The following HAL variants were observed in gnomAD, a reference collection of about 807,000 sequenced individuals.
HAL encodes histidase.
Under a neutral mutation model 81.1 loss-of-function variants are expected in HAL, and 85 were observed. The observed-to-expected ratio is 1.05, with a 90% CI of 0.88 to 1.25. HAL has a LOEUF of 1.25. Among genes scored for constraint, HAL ranks in the 50% most tolerant of loss-of-function variants. The pLI, the probability that HAL is intolerant of heterozygous loss-of-function variation, is 0.00. For missense variants in HAL, 798 were observed against 836.6 expected (o/e 0.95, Z 0.57); for synonymous variants, 301 against 309.2 (o/e 0.97, Z 0.28).
chr12:95,983,768 C>G (rs927280123), intron 15 of HAL, 143 bp downstream of exon 15: 1 of 679,150 alleles, frequency 1.5e-6, no homozygotes, highest in African/African-American at 1.8e-5. Flanking sequence ...GTCAGTTAAC[C>G]TCTGAGCCTC....
rs1555239189 is a variant in HAL, at chr12:95,985,895, T to G, written c.1206+13A>C. 5.7e-6 allele frequency: 9 copies of G among 1,584,972 alleles called. No individual in the cohort carries two copies. Among genetic ancestry groups the G allele is most frequent in the Non-Finnish European group, 7.8e-6 (9 of 1,155,858 alleles). ...GCATTTTTTATTGACCTTTTTTTTTTTCTTTATTTTACCTGTGGACAGCAG... is the reference window on the plus strand; with the variant it reads ...GCATTTTTTATTGACCTTTTTTTTTGTCTTTATTTTACCTGTGGACAGCAG... On this transcript the variant is annotated intron_variant, in intron 14 of 20. Coordinates refer to ENST00000261208, the MANE Select transcript of HAL (RefSeq NM_002108.4).
At chr12:95,992,314 C>G (rs1490458812) in intron 9 of HAL, among the ~76,000 whole-genome samples, 2 of 152,200 alleles carry the variant, frequency 1.3e-5, no homozygotes, top group Non-Finnish European at 2.9e-5. Context: ...ACTGAATTGG[C>G]CTTTGGGATG....
chr12:95,977,642 CAAA>C (rs60410496), intron 18 of HAL, among the ~76,000 whole-genome samples: 7 of 99,924 alleles, frequency 7.0e-5, no homozygotes, highest in African/African-American at 3.3e-4. Flanking sequence ...GATCCTGCCT[CAAA>C]AAAAAAAAAA....
intron 11 of HAL, among the ~76,000 whole-genome samples, chr12:95,987,493 G>A (rs1183701556): frequency 2.0e-5 from 3 of 152,034 alleles, no homozygotes; most frequent in Non-Finnish European, 2.9e-5. Context: ...AGTGTAGACT[G>A]CACATAAAAT....
intron 11 of HAL, among the ~76,000 whole-genome samples, chr12:95,987,928 T>C (rs1949915795): frequency 5.3e-5 from 8 of 151,560 alleles, no homozygotes; most frequent in Admixed American, 5.3e-4. Context: ...GGTTTCACCA[T>C]GTTGCCCAGG....
At chr12:95,978,989 G>GT (rs1355292197) in intron 17 of HAL, among the ~76,000 whole-genome samples, 1 of 152,174 alleles carries the variant, frequency 6.6e-6, no homozygotes, top group Non-Finnish European at 1.5e-5. Context: ...TTTCAGCACT[G>GT]TAAGTCCCAA....
intron 11 of HAL, among the ~76,000 whole-genome samples, chr12:95,987,929 G>A (rs534102423): frequency 6.6e-6 from 1 of 151,864 alleles, no homozygotes; most frequent in Non-Finnish European, 1.5e-5. Flanking sequence ...GTTTCACCAT[G>A]TTGCCCAGGC....
rs1949987468 is a variant in HAL, at chr12:95,992,765, G to A, written c.630C>T (p.Leu210=). ...KPLSPERCRM[L]LALRINVLAK... is the part of the protein sequence containing the mutation. ...CTAAGACATTGATCCTTAAAGCCAA[G>A]AGCATCCGACACCTCTCAGGACTTA... The change falls in exon 9 of 21, where the codon CTC becomes CTT. Residue 210 remains leucine, a synonymous_variant. Transcript: ENST00000261208. 3 of 1,612,554 alleles carry A rather than the reference G, an allele frequency of 1.9e-6. No homozygotes were observed. The Admixed American group carries it at 5.0e-5, about 27-fold the overall frequency.
chr12:95,980,801 G>C lies in HAL; in HGVS notation c.1350C>G (p.Ala450=), dbSNP rs1255077457. 6.3e-7 allele frequency: 1 copy of C among 1,593,936 alleles called. No individual in the cohort carries two copies. The highest frequency in any genetic ancestry group is 8.6e-7 in the Non-Finnish European group (1 of 1,161,892). ...GGAGCAGTTTTAAAAAGCTTACTTT[G>C]GCTGGGTATTCACCATGGAAGTTTC... ...SGGNFHGEYP[A]KALDYLAIGI... Residue 450 remains alanine, a synonymous_variant, in exon 16 of 21, where the codon GCC becomes GCG. Transcript: ENST00000261208.
intron 11 of HAL, 96 bp from the exon 12 acceptor site, chr12:95,987,310 T>C: frequency 1.0e-6 from 1 of 980,926 alleles, no homozygotes; most frequent in Non-Finnish European, 1.7e-6. Flanking sequence ...AGAGAAAAAT[T>C]AGCCAGTCAT....
At chr12:95,982,314 T>C (rs979757945) in intron 15 of HAL, among the ~76,000 whole-genome samples, 1 of 152,182 alleles carries the variant, frequency 6.6e-6, no homozygotes, top group Non-Finnish European at 1.5e-5. Context: ...AATCTTTAAT[T>C]GAAAAAAATA....
chr12:95,979,388 T>C (rs2080764550), intron 17 of HAL, among the ~76,000 whole-genome samples: 1 of 152,218 alleles, frequency 6.6e-6, no homozygotes, highest in Admixed American at 6.5e-5. Flanking sequence ...TTAGTGCTTA[T>C]GATGTGCCAG....
chr12:95,976,523 T>A, intron 19 of HAL, 25 bp from the exon 20 acceptor site: 6 of 1,612,384 alleles, frequency 3.7e-6, no homozygotes, highest in Non-Finnish European at 5.1e-6. Flanking sequence ...CATCCGCCCA[T>A]CAGCCAAACA....
chr12:95,995,870 G>A lies in HAL; in HGVS notation c.41C>T (p.Ala14Val). 1.2e-6 allele frequency: 2 copies of A among 1,607,778 alleles called. No homozygotes were observed. Among genetic ancestry groups the A allele is most frequent in the South Asian group, 1.1e-5 (1 of 91,078 alleles). The change falls in exon 2 of 21, where the codon GCA becomes GTA. Residue 14 changes from alanine (A) to valine (V), a missense_variant. Ala to Val is a moderately conservative substitution (Grantham distance 64). Coordinates refer to ENST00000261208, the MANE Select transcript of HAL (RefSeq NM_002108.4). Reference sequence around the variant, plus strand: ...GAGCTGCGCGTCCTGGCAGGGCACTGCCAGCCATTCCCCACGTACGTGCAC... The same window carrying A: ...GAGCTGCGCGTCCTGGCAGGGCACTACCAGCCATTCCCCACGTACGTGCAC... ...YTVHVRGEWLAVPCQDAQLTV... is the reference protein window; with the variant it reads ...YTVHVRGEWLVVPCQDAQLTV...
chr12:95,981,649 A>G (rs1238301657), intron 15 of HAL, among the ~76,000 whole-genome samples: 1 of 152,170 alleles, frequency 6.6e-6, no homozygotes, highest in Non-Finnish European at 1.5e-5. Flanking sequence ...TAGTAGAGAC[A>G]GGGTTTTGCC....
chr12:95,978,155 T>G, intron 17 of HAL, 77 bp from the exon 18 acceptor site: 1 of 1,104,128 alleles, frequency 9.1e-7, no homozygotes. Context: ...TTCCACAGAG[T>G]GCTCCACAGC....
chr12:95,980,580 C>T lies in HAL; in HGVS notation c.1495G>A (p.Ala499Thr). 6.2e-7 allele frequency: 1 copy of T among 1,613,850 alleles called. No individual in the cohort carries two copies. Among genetic ancestry groups the T allele is most frequent in the Non-Finnish European group, 8.5e-7 (1 of 1,179,990 alleles). ...CCAAGGGCTGCTGCCGTGCAGTGAG[C>T]TATCATGAACCCAGAGTTCAGACCA... ...EGGLNSGFMI[A>T]HCTAAALVSE... Residue 499 changes from alanine to threonine, a missense_variant, in exon 17 of 21, where the codon GCT (alanine) becomes ACT (threonine). Physicochemically the swap from Ala to Thr is moderately conservative, Grantham distance 58. Transcript: ENST00000261208.
chr12:95,975,046 T>G (rs968834754), intron 20 of HAL, among the ~76,000 whole-genome samples: 6 of 152,232 alleles, frequency 3.9e-5, no homozygotes, highest in African/African-American at 7.2e-5. Flanking sequence ...GGCCTGGACC[T>G]GTGTGTTTTC....
chr12:95,983,709 G>C, intron 15 of HAL: 1 of 601,480 alleles, frequency 1.7e-6, no homozygotes, highest in East Asian at 2.8e-5. Flanking sequence ...GAACCTGAGA[G>C]TAAGTTCACA....
Sources: gnomAD v4.1 joint callset for allele counts (sites outside exome capture counted in the v4.1 genomes callset) on GRCh38, gnomAD v4.1.1 for gene constraint, MANE v1.5 for transcripts, NCBI Gene and HGNC (gene_info 2026-07-23, HGNC 2026-07-21) for gene names.